NSUN3: variants seen among roughly 807,000 people sequenced by gnomAD.
NSUN3 encodes tRNA (cytosine(34)-C(5))-methyltransferase, mitochondrial.
Under a neutral mutation model 36.8 loss-of-function variants are expected in NSUN3, and 24 were observed. The ratio of observed to expected loss-of-function variants is 0.65; its 90% CI spans 0.47 to 0.92. NSUN3 has a LOEUF of 0.92. Among genes scored for constraint, NSUN3 ranks in the 40% least tolerant of loss-of-function variants. The probability of loss-of-function intolerance (pLI) is 0.00; values close to 1 mark genes in which losing one functional copy is unlikely to be tolerated. For synonymous variants in NSUN3, 146 were observed against 145.2 expected (o/e 1.01, Z -0.04); for missense variants, 381 against 392.8 (o/e 0.97, Z 0.25).
intron 2 of NSUN3, among the ~76,000 whole-genome samples, chr3:94,071,406 G>C (rs569073097): frequency 6.6e-6 from 1 of 152,090 alleles, no homozygotes; most frequent in East Asian, 1.9e-4. Flanking sequence ...AGAGGAAAAC[G>C]AGCAGCATAA....
At chr3:94,075,943 A>G in intron 2 of NSUN3, 1 of 1,508,276 alleles carries the variant, frequency 6.6e-7, no homozygotes, top group Non-Finnish European at 9.2e-7. Context: ...ATATTCCTTC[A>G]GGGTCTTCAT....
intron 5 of NSUN3, among the ~76,000 whole-genome samples, chr3:94,107,747 A>G (rs2077396111): frequency 6.6e-6 from 1 of 152,130 alleles, no homozygotes; most frequent in Non-Finnish European, 1.5e-5. Flanking sequence ...GGGACACCAT[A>G]TCTCAATTTT....
chr3:94,100,982 T>A (rs1314473401), intron 5 of NSUN3, among the ~76,000 whole-genome samples: 7 of 151,870 alleles, frequency 4.6e-5, no homozygotes, highest in Non-Finnish European at 7.4e-5. Flanking sequence ...ATTTTTTTTT[T>A]ATTTTTATTT....
intron 3 of NSUN3, among the ~76,000 whole-genome samples, chr3:94,091,820 T>A (rs2077316217): frequency 6.6e-6 from 1 of 152,166 alleles, no homozygotes; most frequent in Non-Finnish European, 1.5e-5. Flanking sequence ...AGGGGTGACT[T>A]TGGGGGTTAT....
intron 2 of NSUN3, among the ~76,000 whole-genome samples, chr3:94,082,529 C>A (rs1414125538): frequency 6.6e-6 from 1 of 152,078 alleles, no homozygotes; most frequent in African/African-American, 2.4e-5. Flanking sequence ...ACGTATTAGC[C>A]CTAAATTGAA....
intron 3 of NSUN3, among the ~76,000 whole-genome samples, chr3:94,086,038 G>A (rs902190391): frequency 6.6e-6 from 1 of 151,178 alleles, no homozygotes; most frequent in Non-Finnish European, 1.5e-5. Context: ...CTGCCTCCCA[G>A]GTTCGAGTGA....
At chr3:94,072,250 C>T (rs1377102696) in intron 2 of NSUN3, among the ~76,000 whole-genome samples, 1 of 152,104 alleles carries the variant, frequency 6.6e-6, no homozygotes, top group Non-Finnish European at 1.5e-5. Flanking sequence ...GTACCAGGGT[C>T]TCACACGTTG....
At chr3:94,095,994 C>T (rs2077337542) in intron 5 of NSUN3, among the ~76,000 whole-genome samples, 1 of 150,266 alleles carries the variant, frequency 6.7e-6, no homozygotes, top group African/African-American at 2.5e-5. Context: ...CTCCTGACCT[C>T]GTAATCTGCC....
At chr3:94,078,226 C>G (rs2077254483) in intron 2 of NSUN3, among the ~76,000 whole-genome samples, 1 of 152,136 alleles carries the variant, frequency 6.6e-6, no homozygotes, top group Non-Finnish European at 1.5e-5. Flanking sequence ...GCAGGTTGTT[C>G]AGTTTCTGTG....
At position 94,126,546 on chromosome 3, in the gene NSUN3, A is replaced by G; in HGVS notation, c.*56A>G. ...TTATATTTATATTTCTGAACTCAGT[A>G]CATGTTAATATTTAAATAATTATGC... On this transcript the variant is annotated 3_prime_UTR_variant, in exon 6 of 6. Coordinates refer to ENST00000314622, the MANE Select transcript of NSUN3 (RefSeq NM_022072.5). The G allele has an allele frequency of 6.9e-7, 1 of 1,443,684 alleles. No individual in the cohort carries two copies. Among genetic ancestry groups the G allele is most frequent in the East Asian group, 2.4e-5 (1 of 42,486 alleles). The allele number at this position is 1,443,684 out of a possible 1,614,324, so 89.4% of individuals were successfully genotyped here. A position where few individuals can be genotyped will look rare whatever the true frequency, so the allele number is the denominator to read the frequency against.
At chr3:94,114,626 T>C (rs1301750172) in intron 5 of NSUN3, among the ~76,000 whole-genome samples, 2 of 152,200 alleles carry the variant, frequency 1.3e-5, no homozygotes, top group Non-Finnish European at 2.9e-5. Context: ...TAATTTATTG[T>C]ATTTTAGATT....
At chr3:94,099,084 G>A (rs1272460573) in intron 5 of NSUN3, among the ~76,000 whole-genome samples, 9 of 152,102 alleles carry the variant, frequency 5.9e-5, no homozygotes, top group Non-Finnish European at 1.3e-4. Context: ...ATTTATAGCT[G>A]TAATTAAATT....
intron 2 of NSUN3, among the ~76,000 whole-genome samples, chr3:94,067,905 C>T (rs1355255252): frequency 1.3e-5 from 2 of 152,030 alleles, no homozygotes; most frequent in Admixed American, 1.3e-4. Flanking sequence ...TTGTGTCACA[C>T]CTTGAGTACA....
chr3:94,097,216 A>C (rs1293047921), intron 5 of NSUN3, among the ~76,000 whole-genome samples: 1 of 152,248 alleles, frequency 6.6e-6, no homozygotes, highest in Non-Finnish European at 1.5e-5. Flanking sequence ...CAAATAATAC[A>C]AATGAAGCAA....
intron 3 of NSUN3, among the ~76,000 whole-genome samples, chr3:94,093,663 G>T (rs908775032): frequency 6.6e-6 from 1 of 152,278 alleles, no homozygotes; most frequent in South Asian, 2.1e-4. Flanking sequence ...AGGAATAATG[G>T]TTCCTGTGGG....
At chr3:94,078,493 G>T (rs568569303) in intron 2 of NSUN3, among the ~76,000 whole-genome samples, 1 of 152,234 alleles carries the variant, frequency 6.6e-6, no homozygotes, top group African/African-American at 2.4e-5. Flanking sequence ...GAATATCCTT[G>T]TTAATTTTCT....
intron 5 of NSUN3, among the ~76,000 whole-genome samples, chr3:94,107,475 AGG>A (rs1390591231): frequency 6.7e-6 from 1 of 149,476 alleles, no homozygotes; most frequent in Non-Finnish European, 1.5e-5. Flanking sequence ...TTGTAGAAAC[AGG>A]GGTCTCTCTA....
Position 94,074,214 on chromosome 3 carries a change from T to C in NSUN3, c.122+9668T>C, listed in dbSNP as rs958440543. Reference sequence around the variant, plus strand: ...TTTTGGTTACTGTAGCCTTGTAGTATAGTTTGAAGTCAGGTAGCATGATGC... The same window carrying C: ...TTTTGGTTACTGTAGCCTTGTAGTACAGTTTGAAGTCAGGTAGCATGATGC... On this transcript the variant is annotated intron_variant, in intron 2 of 5. Coordinates refer to ENST00000314622, the MANE Select transcript of NSUN3 (RefSeq NM_022072.5). 7.2e-5 allele frequency among the ~76,000 whole-genome samples: 11 copies of C among 152,196 alleles called. No individual in the cohort carries two copies. The South Asian group carries it at 1.0e-3, about 14-fold the overall frequency.
intron 5 of NSUN3, among the ~76,000 whole-genome samples, chr3:94,095,518 A>G (rs2077334199): frequency 6.6e-6 from 1 of 152,120 alleles, no homozygotes; most frequent in Non-Finnish European, 1.5e-5. Flanking sequence ...ATCAGGATGC[A>G]TGTTTTGTTA....
Sources: gnomAD v4.1 joint callset for allele counts (sites outside exome capture counted in the v4.1 genomes callset) on GRCh38, gnomAD v4.1.1 for gene constraint, MANE v1.5 for transcripts, NCBI Gene and HGNC (gene_info 2026-07-23, HGNC 2026-07-21) for gene names.